DMTF1: variants seen among roughly 807,000 people sequenced by gnomAD.
DMTF1 encodes cyclin D binding myb like transcription factor 1.
A neutral mutation model predicts 91.1 loss-of-function variants in DMTF1; 39 were observed. That is an observed-to-expected ratio of 0.43 (90% CI 0.33 to 0.56). DMTF1 has a LOEUF of 0.56. DMTF1 is among the 20% of genes least tolerant of loss of function. DMTF1 has a pLI of 0.05. For synonymous variants in DMTF1, 338 were observed against 309.5 expected, an observed-to-expected ratio of 1.09 and a Z score of -0.97; for missense variants, 750 against 914.5, an observed-to-expected ratio of 0.82 and a Z score of 2.32.
At position 87,193,264 on chromosome 7, in the gene DMTF1, C is replaced by T. The variant is rs1431025420; in HGVS notation, c.1561C>T (p.Leu521Phe). Residue 521 changes from leucine to phenylalanine, a missense_variant, in exon 15 of 18, where the codon CTT becomes TTT. Transcript: ENST00000331242. ...YLLQTSSSQG[L>F]PLTLTASPTV... ...ACTTCAAACAAGCTCAAGCCAAGGCCTTCCCCTAACTCTGACTGCTAGTCC... is the reference window on the plus strand; with the variant it reads ...ACTTCAAACAAGCTCAAGCCAAGGCTTTCCCCTAACTCTGACTGCTAGTCC... The T allele has an allele frequency of 6.2e-7, 1 of 1,613,532 alleles. No individual in the cohort carries two copies. Among genetic ancestry groups the T allele is most frequent in the Non-Finnish European group, 8.5e-7 (1 of 1,179,632 alleles).
intron 7 of DMTF1, among the ~76,000 whole-genome samples, chr7:87,177,835 CAAATTTGTTTCT>C (rs1796560719): frequency 6.6e-6 from 1 of 152,132 alleles, no homozygotes; most frequent in Admixed American, 6.6e-5. Flanking sequence ...CAAGCTGCCA[CAAATTTGTTTCT>C]AGGTTTTCTA....
At chr7:87,157,574 T>G (rs1279634007) in intron 1 of DMTF1, among the ~76,000 whole-genome samples, 1 of 152,142 alleles carries the variant, frequency 6.6e-6, no homozygotes, top group Non-Finnish European at 1.5e-5. Flanking sequence ...GTAGACTCAA[T>G]TGATGGAAAT....
chr7:87,160,428 C>T (rs1490627908), intron 1 of DMTF1, among the ~76,000 whole-genome samples: 2 of 151,970 alleles, frequency 1.3e-5, no homozygotes, highest in Non-Finnish European at 2.9e-5. Context: ...GCGCCTGCCA[C>T]CACACCCGGC....
intron 4 of DMTF1, among the ~76,000 whole-genome samples, chr7:87,168,068 G>A (rs936727644): frequency 6.6e-6 from 1 of 152,154 alleles, no homozygotes; most frequent in African/African-American, 2.4e-5. Flanking sequence ...AAGCACATGA[G>A]CTGCTTAATG....
In DMTF1 at chr7:87,188,015, C is replaced by G. The variant is rs149279050; in HGVS notation, c.1202-77C>G. On this transcript the variant is annotated intron_variant, in intron 12 of 17. Transcript: ENST00000331242. The stretch of plus-strand genomic sequence containing the variant: ...TTCCAAATACTTTCCCTCCTTACCT[C>G]CCCCCACCTCCCTTGCTGCTTAGAT... The G allele has an allele frequency of 3.0e-4, 340 of 1,145,392 alleles. 1 individual carries two copies. Among genetic ancestry groups the G allele is most frequent in the Non-Finnish European group, 4.1e-4 (314 of 762,100 alleles). The allele number at this position is 1,145,392 out of a possible 1,614,324, so 71.0% of individuals were successfully genotyped here. A position where few individuals can be genotyped will look rare whatever the true frequency, so the allele number is the denominator to read the frequency against.
chr7:87,154,106 G>A (rs1790054835), intron 1 of DMTF1: 2 of 152,116 alleles, frequency 1.3e-5, no homozygotes, highest in South Asian at 4.1e-4. Context: ...ATTTGGTTAG[G>A]ATTTAGAAAT....
rs1399532823 is a variant in DMTF1, at chr7:87,182,332, A to G, written c.815A>G (p.Asn272Ser). The change falls in exon 10 of 18, where the codon AAC becomes AGC. Residue 272 changes from asparagine to serine, a missense_variant. Physicochemically the swap from Asn to Ser is conservative, Grantham distance 46. Coordinates refer to ENST00000331242, the MANE Select transcript of DMTF1 (RefSeq NM_001142327.2). The part of the protein sequence containing the change: ...DRCRLMKDTC[N>S]TGKWTEEEEK... ...TGCCGACTGATGAAGGATACTTGCA[A>G]CACAGGTACTGTGACTACTACTGGT... 1 of 1,613,916 alleles carries G rather than the reference A, an allele frequency of 6.2e-7. No homozygotes were observed. The highest frequency in any genetic ancestry group is 8.5e-7 in the Non-Finnish European group (1 of 1,179,966).
intron 10 of DMTF1, among the ~76,000 whole-genome samples, chr7:87,182,538 G>C (rs1315826386): frequency 6.6e-6 from 1 of 152,106 alleles, no homozygotes; most frequent in African/African-American, 2.4e-5. Flanking sequence ...AGGTAACATT[G>C]TCTTCAGGGA....
At chr7:87,155,899 A>G (rs1156518906) in intron 1 of DMTF1, among the ~76,000 whole-genome samples, 1 of 152,184 alleles carries the variant, frequency 6.6e-6, no homozygotes, top group Non-Finnish European at 1.5e-5. Context: ...GTACACTGTT[A>G]GGTCATTCTT....
At chr7:87,157,132 C>T (rs944219189) in intron 1 of DMTF1, among the ~76,000 whole-genome samples, 1 of 152,116 alleles carries the variant, frequency 6.6e-6, no homozygotes, top group African/African-American at 2.4e-5. Context: ...AAAAAAACAT[C>T]TGAAAACTGT....
chr7:87,173,569 C>T lies in DMTF1; in HGVS notation c.362C>T (p.Pro121Leu). 1.9e-6 allele frequency: 3 copies of T among 1,608,894 alleles called. No homozygotes were observed. The highest frequency in any genetic ancestry group is 1.1e-5 in the South Asian group (1 of 90,670). ...AATGAGCAACTAGATGAAATATCTC[C>T]CTTGGGTAACGAGGAAGTTTCAGCA... ...LQNEQLDEIS[P>L]LGNEEVSAVS... The change falls in exon 6 of 18, where the codon CCC becomes CTC. Residue 121 changes from proline (P) to leucine (L), a missense_variant. Around this residue, in one of 3 missense-constraint regions of DMTF1, gnomAD observed 150 missense variants for 150.4 expected, o/e 1.00. Coordinates refer to ENST00000331242, the MANE Select transcript of DMTF1 (RefSeq NM_001142327.2).
At position 87,193,074 on chromosome 7, in the gene DMTF1, G is replaced by T. The variant is rs1800251509; in HGVS notation, c.1495-124G>T. On this transcript the variant is annotated intron_variant, in intron 14 of 17. Coordinates refer to ENST00000331242, the MANE Select transcript of DMTF1 (RefSeq NM_001142327.2). ...ACTTGAGACGATTATGCCCTACATT[G>T]TATTACTTGTTCGCACCTTCACAAT... 9 of 933,326 alleles carry T rather than the reference G, an allele frequency of 9.6e-6. No individual in the cohort carries two copies. In the East Asian group the frequency reaches 1.8e-4, roughly 19 times the overall value. The allele number at this position is 933,326 out of a possible 1,614,324, so 57.8% of individuals were successfully genotyped here. A position where few individuals can be genotyped will look rare whatever the true frequency, so the allele number is the denominator to read the frequency against.
chr7:87,160,201 C>A lies in DMTF1; in HGVS notation c.-131-3294C>A, dbSNP rs867751597. Among the ~76,000 whole-genome samples the A allele has an allele frequency of 1.7e-4, 26 of 151,706 alleles. 1 individual carries two copies. Among genetic ancestry groups the A allele is most frequent in the African/African-American group, 6.3e-4 (26 of 41,354 alleles). ...CAGATGTATTCTGTGTAACAACTGTCTTGATTGCACTTGGTCCTTTTGTTC... is the reference window on the plus strand; with the variant it reads ...CAGATGTATTCTGTGTAACAACTGTATTGATTGCACTTGGTCCTTTTGTTC... On this transcript the variant is annotated intron_variant, in intron 1 of 17. Transcript: ENST00000331242.
At chr7:87,155,752 A>T (rs1457187393) in intron 1 of DMTF1, among the ~76,000 whole-genome samples, 2 of 69,280 alleles carry the variant, frequency 2.9e-5, no homozygotes, top group African/African-American at 1.1e-4. Flanking sequence ...CCCCCGCCCC[A>T]CCCAAGTTTG....
chr7:87,174,502 C>A, intron 6 of DMTF1, 91 bp from the exon 7 acceptor site: 1 of 854,630 alleles, frequency 1.2e-6, no homozygotes, highest in Non-Finnish European at 1.8e-6. Context: ...ATTTTATCCC[C>A]AAATATAATT....
At chr7:87,166,199 G>A (rs1049931608) in intron 3 of DMTF1, among the ~76,000 whole-genome samples, 4 of 152,146 alleles carry the variant, frequency 2.6e-5, no homozygotes, top group African/African-American at 9.7e-5. Context: ...ATACGTCTGT[G>A]TCATTGCACA....
At chr7:87,176,149 C>T (rs571024318) in intron 7 of DMTF1, among the ~76,000 whole-genome samples, 4 of 152,274 alleles carry the variant, frequency 2.6e-5, no homozygotes, top group Non-Finnish European at 5.9e-5. Context: ...CTAGAAGGCC[C>T]ACATTTTTAA....
chr7:87,153,234 C>G (rs1205185245), intron 1 of DMTF1, among the ~76,000 whole-genome samples: 1 of 152,112 alleles, frequency 6.6e-6, no homozygotes, highest in African/African-American at 2.4e-5. Context: ...CAGTCTGACT[C>G]TCTTTAAAGA....
Position 87,181,301 on chromosome 7 carries a change from A to G in DMTF1, c.678-8A>G, listed in dbSNP as rs762867121. ...ATTGATTTTTTAAAAATTTCTCTGA[A>G]TTTCTAGATATACACCTGAAGAAAT... is the stretch of plus-strand genomic sequence containing the variant. On this transcript the variant is annotated splice_polypyrimidine_tract_variant and splice_region_variant and intron_variant, in intron 8 of 17. Transcript: ENST00000331242. 2.4e-6 allele frequency: 3 copies of G among 1,239,946 alleles called. No individual in the cohort carries two copies. The South Asian group carries it at 3.9e-5, about 16-fold the overall frequency. The allele number at this position is 1,239,946 out of a possible 1,614,324, so 76.8% of individuals were successfully genotyped here. A position where few individuals can be genotyped will look rare whatever the true frequency, so the allele number is the denominator to read the frequency against.
Sources: gnomAD v4.1 joint callset for allele counts (sites outside exome capture counted in the v4.1 genomes callset) on GRCh38, gnomAD v4.1.1 for gene constraint, gnomAD v4.1.1 regional missense constraint, MANE v1.5 for transcripts, NCBI Gene and HGNC (gene_info 2026-07-23, HGNC 2026-07-21) for gene names.